CNMD: variants seen among roughly 807,000 people sequenced by gnomAD.
CNMD encodes the protein leukocyte cell-derived chemotaxin 1.
Under a neutral mutation model 37.5 loss-of-function variants are expected in CNMD, and 30 were observed. The ratio of observed to expected loss-of-function variants is 0.80; its 90% confidence interval spans 0.60 to 1.09. The LOEUF is 1.09. Ranked by LOEUF, CNMD falls within the 50% of genes least tolerant of loss-of-function variation. The probability of loss-of-function intolerance (pLI) is 0.00; values close to 1 mark genes in which losing one functional copy is unlikely to be tolerated. For missense variants in CNMD, 398 were observed against 423.9 expected (o/e 0.94, Z 0.54); for synonymous variants, 167 against 148.2 (o/e 1.13, Z -0.92).
At chr13:52,724,671 C>A (rs1410598374) in intron 3 of CNMD, among the ~76,000 whole-genome samples, 1 of 152,064 alleles carries the variant, frequency 6.6e-6, no homozygotes, top group Non-Finnish European at 1.5e-5. Flanking sequence ...CCGACGCGGG[C>A]AGATCACCTG....
At chr13:52,720,065 TTTCATTAAGTTGATC>T in intron 4 of CNMD, among the ~76,000 whole-genome samples, 1 of 152,340 alleles carries the variant, frequency 6.6e-6, no homozygotes, top group Middle Eastern at 3.4e-3. Context: ...TCATGCTGTA[TTTCATTAAGTTGATC>T]TTCAATCTTG....
intron 2 of CNMD, 190 bp from the exon 3 acceptor site, chr13:52,733,549 A>G: frequency 1.5e-6 from 1 of 682,448 alleles, no homozygotes. Flanking sequence ...TTCCTTAAAA[A>G]TACCTTAAGA....
intron 4 of CNMD, among the ~76,000 whole-genome samples, chr13:52,719,909 C>G (rs985500453): frequency 1.3e-5 from 2 of 152,154 alleles, no homozygotes; most frequent in Non-Finnish European, 2.9e-5. Flanking sequence ...TGGATAATAT[C>G]CTGAAGAGTG....
intron 5 of CNMD, among the ~76,000 whole-genome samples, chr13:52,709,587 G>A (rs1964259482): frequency 1.3e-5 from 2 of 152,186 alleles, no homozygotes; most frequent in Admixed American, 6.5e-5. Flanking sequence ...TCACAGAATG[G>A]GTGGCATAGG....
chr13:52,725,898 C>T (rs1964563763), intron 3 of CNMD, among the ~76,000 whole-genome samples: 1 of 152,168 alleles, frequency 6.6e-6, no homozygotes, highest in African/African-American at 2.4e-5. Flanking sequence ...CTTATGTAGT[C>T]ACAGAGCCAG....
rs371116344 is a variant in CNMD, at chr13:52,703,616, G to A, written c.984C>T (p.Ala328=). The part of the protein sequence containing the change: ...RVIMPCSWWV[A]RILGMV ...GATTTCACACCATGCCCAAGATACGGGCCACCCACCAGCTACATGGCATGA... is the reference window on the plus strand; with the variant it reads ...GATTTCACACCATGCCCAAGATACGAGCCACCCACCAGCTACATGGCATGA... Residue 328 remains alanine (A), a synonymous_variant, in exon 7 of 7, where the codon GCC becomes GCT. Transcript: ENST00000377962. 4.0e-5 allele frequency: 64 copies of A among 1,612,230 alleles called. No individual in the cohort carries two copies. The highest frequency in any genetic ancestry group is 5.4e-5 in the Non-Finnish European group (64 of 1,178,754).
chr13:52,715,687 A>C (rs569648896), intron 4 of CNMD, among the ~76,000 whole-genome samples: 4 of 152,128 alleles, frequency 2.6e-5, no homozygotes, highest in Middle Eastern at 3.4e-3. Context: ...TGAACTCATC[A>C]TTTTTATGGC....
At chr13:52,738,379 C>T (rs1197821582) in intron 2 of CNMD, among the ~76,000 whole-genome samples, 1 of 152,316 alleles carries the variant, frequency 6.6e-6, no homozygotes, top group South Asian at 2.1e-4. Flanking sequence ...GAAAGTAGGA[C>T]AGCAGTTAGT....
intron 3 of CNMD, 59 bp downstream of exon 3, chr13:52,733,160 T>C (rs752438233): frequency 6.3e-7 from 1 of 1,583,270 alleles, no homozygotes; most frequent in African/African-American, 1.3e-5. Flanking sequence ...CCTCCTTGAA[T>C]TAGAAAAGTC....
At chr13:52,704,878 A>G (rs554990356) in intron 6 of CNMD, among the ~76,000 whole-genome samples, 2 of 146,566 alleles carry the variant, frequency 1.4e-5, no homozygotes, top group African/African-American at 5.1e-5. Flanking sequence ...CCTGGCCAAC[A>G]TGGTGAAACC....
chr13:52,713,742 T>C (rs892219193), intron 4 of CNMD, among the ~76,000 whole-genome samples: 33 of 152,308 alleles, frequency 2.2e-4, no homozygotes, highest in African/African-American at 7.9e-4. Flanking sequence ...CTGTAGCTTT[T>C]TAAAGTTATA....
intron 4 of CNMD, among the ~76,000 whole-genome samples, chr13:52,719,454 G>C (rs1364767058): frequency 1.3e-5 from 2 of 152,232 alleles, no homozygotes; most frequent in African/African-American, 2.4e-5. Context: ...TGTTTTTGCA[G>C]TGGCTGGTAC....
At chr13:52,724,311 C>A (rs941138864) in intron 3 of CNMD, among the ~76,000 whole-genome samples, 2 of 151,186 alleles carry the variant, frequency 1.3e-5, no homozygotes, top group African/African-American at 4.9e-5. Flanking sequence ...CGGTGGCTCA[C>A]GCCTGTAATC....
At position 52,717,815 on chromosome 13, in the gene CNMD, T is replaced by G. The variant is rs576380788; in HGVS notation, c.469-4946A>C. Among the ~76,000 whole-genome samples the G allele has an allele frequency of 3.3e-5, 5 of 152,330 alleles. No individual in the cohort carries two copies. In the South Asian group the frequency reaches 1.0e-3, roughly 32 times the overall value. ...GGCCTGAAATTTTCTTTTTTTGTTGTGTCTCTGCCAGGTTTTAGTATCAGG... is the reference window on the plus strand; with the variant it reads ...GGCCTGAAATTTTCTTTTTTTGTTGGGTCTCTGCCAGGTTTTAGTATCAGG... On this transcript the variant is annotated intron_variant, in intron 4 of 6. Coordinates refer to ENST00000377962, the MANE Select transcript of CNMD (RefSeq NM_007015.3).
chr13:52,739,621 G>A lies in CNMD; in HGVS notation c.72+9C>T, dbSNP rs1175877867. On this transcript the variant is annotated intron_variant, in intron 1 of 6. Transcript: ENST00000377962. The surrounding 1 kb of genome is among the most constrained non-coding windows in gnomAD (Gnocchi z 5.4). ...AGGCCCTGCGTGTGGAATCCCTGGC[G>A]GTACTCACCGGGGGGCTGCAGAATT... is the stretch of plus-strand genomic sequence containing the variant. 3 of 1,612,372 alleles carry A rather than the reference G, an allele frequency of 1.9e-6. No homozygotes were observed. Among genetic ancestry groups the A allele is most frequent in the African/African-American group, 2.7e-5 (2 of 74,886 alleles).
intron 4 of CNMD, 138 bp from the exon 5 acceptor site, chr13:52,713,007 C>CT: frequency 1.8e-6 from 1 of 542,406 alleles, no homozygotes; most frequent in Non-Finnish European, 3.0e-6. Context: ...CATGTGTGCA[C>CT]TTTAAGGTTC....
At chr13:52,732,844 A>G (rs1415347004) in intron 3 of CNMD, among the ~76,000 whole-genome samples, 1 of 152,138 alleles carries the variant, frequency 6.6e-6, no homozygotes, top group Non-Finnish European at 1.5e-5. Context: ...ATGCTATGGT[A>G]TTGTGGTTTT....
intron 3 of CNMD, among the ~76,000 whole-genome samples, chr13:52,728,774 G>A (rs1013116124): frequency 2.6e-5 from 4 of 152,178 alleles, no homozygotes; most frequent in African/African-American, 9.6e-5. Flanking sequence ...TCGCAGCACT[G>A]AATGGGAATC....
At chr13:52,735,025 T>C (rs1032671321) in intron 2 of CNMD, among the ~76,000 whole-genome samples, 1 of 152,152 alleles carries the variant, frequency 6.6e-6, no homozygotes, top group African/African-American at 2.4e-5. Flanking sequence ...CCTCCTTCCC[T>C]GTCTCTTTCT....
Sources: gnomAD v4.1 joint callset for allele counts (sites outside exome capture counted in the v4.1 genomes callset) on GRCh38, gnomAD v4.1.1 for gene constraint, Gnocchi (gnomAD v3.1) non-coding constraint, MANE v1.5 for transcripts, NCBI Gene and HGNC (gene_info 2026-07-23, HGNC 2026-07-21) for gene names.